Variants in ELF5 observed in about 807,000 individuals in gnomAD.
ELF5 encodes E74 like ETS transcription factor 5.
Under a neutral mutation model 38.2 loss-of-function variants are expected in ELF5, and 31 were observed. That is an observed-to-expected ratio of 0.81 (90% CI 0.61 to 1.10). ELF5 has a LOEUF of 1.10. ELF5 is among the 50% of genes least tolerant of loss of function. The pLI, the probability that ELF5 is intolerant of heterozygous loss-of-function variation, is 0.00. For synonymous variants in ELF5, 121 were observed against 112.5 expected (o/e 1.08, Z -0.48); for missense variants, 300 against 306.6 (o/e 0.98, Z 0.16).
intron 1 of ELF5, among the ~76,000 whole-genome samples, chr11:34,512,990 A>C (rs1342315272): frequency 1.3e-5 from 2 of 152,184 alleles, no homozygotes; most frequent in Admixed American, 1.3e-4. Flanking sequence ...ATCCACACGC[A>C]GGCCCGGCTT....
chr11:34,485,667 G>A (rs908879282), intron 4 of ELF5, among the ~76,000 whole-genome samples: 4 of 152,172 alleles, frequency 2.6e-5, no homozygotes, highest in Non-Finnish European at 5.9e-5. Flanking sequence ...GGGTCTTGCC[G>A]AGATAACCCT....
At chr11:34,511,749 G>T in intron 1 of ELF5, 2 of 671,542 alleles carry the variant, frequency 3.0e-6, no homozygotes, top group South Asian at 1.9e-5. Context: ...GAGCAACCCG[G>T]CACCCCTGCT....
chr11:34,485,256 A>ACTT (rs1246297803), intron 4 of ELF5, among the ~76,000 whole-genome samples: 58 of 152,206 alleles, frequency 3.8e-4, no homozygotes, highest in African/African-American at 1.3e-3. Context: ...CATAACTACT[A>ACTT]CTTTATCATG....
intron 2 of ELF5, among the ~76,000 whole-genome samples, chr11:34,502,141 A>G (rs1590338667): frequency 6.6e-6 from 1 of 152,330 alleles, no homozygotes; most frequent in East Asian, 1.9e-4. Flanking sequence ...TCGTACACAA[A>G]ATATCATTCA....
rs188388327 is a variant in ELF5, at chr11:34,503,101, T to C, written c.121+2528A>G. ...TTCAGTGGCATTAAGTACATTCACA[T>C]TGTTGCACAGTCATCAGTGCTATTC... On this transcript the variant is annotated intron_variant, in intron 2 of 6. Coordinates refer to ENST00000257832, the MANE Select transcript of ELF5 (RefSeq NM_001422.4). Among the ~76,000 whole-genome samples, 154 of 152,356 alleles carry C rather than the reference T, an allele frequency of 1.0e-3. 2 individuals carry two copies. The highest frequency in any genetic ancestry group is 3.2e-3 in the African/African-American group (132 of 41,586).
chr11:34,482,487 T>C lies in ELF5; in HGVS notation c.419A>G (p.Asn140Ser), dbSNP rs771579876. ...TTTGATGCCACTTGTTTTCAAGCAG[T>C]TGGAATCAGCATCTGAAATAGAATA... ...KATIKDYADS[N>S]CLKTSGIKSQ... The change falls in exon 5 of 7, where the codon AAC (asparagine) becomes AGC (serine). Residue 140 changes from asparagine (N) to serine (S), a missense_variant. Transcript: ENST00000257832. 6.2e-7 allele frequency: 1 copy of C among 1,613,034 alleles called. No individual in the cohort carries two copies. The highest frequency in any genetic ancestry group is 1.7e-5 in the Admixed American group (1 of 59,812).
intron 1 of ELF5, among the ~76,000 whole-genome samples, chr11:34,512,628 G>A (rs558521391): frequency 2.6e-5 from 4 of 151,242 alleles, no homozygotes; most frequent in South Asian, 2.1e-4. Flanking sequence ...GCAAAGGACG[G>A]GGCATAATAC....
In ELF5 at chr11:34,495,265, C is replaced by T. The variant is rs535360896; in HGVS notation, c.122-1553G>A. 9.2e-5 allele frequency among the ~76,000 whole-genome samples: 14 copies of T among 152,288 alleles called. 1 individual carries two copies. The highest frequency in any genetic ancestry group is 8.5e-4 in the Admixed American group (13 of 15,308). On this transcript the variant is annotated intron_variant, in intron 2 of 6. Transcript: ENST00000257832. Reference sequence around the variant, plus strand: ...AGAGAGCAGAGAGTGGCTAAGGTGACGATGACAGAAAGGGTCCCTCACATG... The same window carrying T: ...AGAGAGCAGAGAGTGGCTAAGGTGATGATGACAGAAAGGGTCCCTCACATG...
Position 34,482,439 on chromosome 11 carries a change from C to T in ELF5, c.467G>A (p.Ser156Asn). The change falls in exon 5 of 7, where the codon AGT becomes AAT. Residue 156 changes from serine to asparagine, a missense_variant. Ser to Asn is a conservative substitution (Grantham distance 46). Transcript: ENST00000257832. ...GIKSQDCHSH[S>N]RTSLQSSHLW... ...TGGCATCCTGCACTTACTTGTTCTACTATGACTGTGACAGTCTTGACTTTT... is the reference window on the plus strand; with the variant it reads ...TGGCATCCTGCACTTACTTGTTCTATTATGACTGTGACAGTCTTGACTTTT... 1 of 1,613,370 alleles carries T rather than the reference C, an allele frequency of 6.2e-7. No individual in the cohort carries two copies. Among genetic ancestry groups the T allele is most frequent in the East Asian group, 2.2e-5 (1 of 44,862 alleles).
chr11:34,511,724 T>G, intron 1 of ELF5: 1 of 870,222 alleles, frequency 1.1e-6, no homozygotes, highest in African/African-American at 1.7e-5. Flanking sequence ...ATAACAGGTG[T>G]GGCTCCCATG....
chr11:34,484,055 TACTA>T (rs1183132651), intron 4 of ELF5, among the ~76,000 whole-genome samples: 1 of 151,528 alleles, frequency 6.6e-6, no homozygotes, highest in African/African-American at 2.4e-5. Context: ...TAGTATACTA[TACTA>T]ACTATACTGT....
chr11:34,492,898 T>C (rs756477307), intron 3 of ELF5: 1 of 164,294 alleles, frequency 6.1e-6, no homozygotes, highest in African/African-American at 2.4e-5. Flanking sequence ...CCTTTATCTA[T>C]GTGTGACTTT....
chr11:34,497,044 A>G (rs1000455024), intron 2 of ELF5, among the ~76,000 whole-genome samples: 3 of 152,216 alleles, frequency 2.0e-5, no homozygotes, highest in African/African-American at 7.2e-5. Context: ...AATAAAAAAT[A>G]CAATCTAGCT....
Sources: gnomAD v4.1 joint callset for allele counts (sites outside exome capture counted in the v4.1 genomes callset) on GRCh38, gnomAD v4.1.1 for gene constraint, MANE v1.5 for transcripts, NCBI Gene and HGNC (gene_info 2026-07-23, HGNC 2026-07-21) for gene names.